The following SHISA6 variants were observed in gnomAD, a reference collection of about 807,000 sequenced individuals.
SHISA6 encodes the protein protein shisa-6.
SHISA6 carries 22 observed loss-of-function variants against 47.9 expected under a neutral mutation model. The ratio of observed to expected loss-of-function variants is 0.46; its 90% CI spans 0.33 to 0.66. The LOEUF is 0.66. Among genes scored for constraint, SHISA6 ranks in the 30% least tolerant of loss-of-function variants. SHISA6 has a pLI of 0.02. For missense variants in SHISA6, 680 were observed against 764.6 expected (o/e 0.89, Z 1.30); for synonymous variants, 388 against 337.8 (o/e 1.15, Z -1.63).
intron 3 of SHISA6, among the ~76,000 whole-genome samples, chr17:11,501,415 A>G (rs1348435165): frequency 6.6e-6 from 1 of 152,106 alleles, no homozygotes; most frequent in Non-Finnish European, 1.5e-5. Flanking sequence ...TTAAAAGTAT[A>G]TAGACCAAAG....
chr17:11,372,637 G>A (rs1420520951), intron 2 of SHISA6, among the ~76,000 whole-genome samples: 2 of 150,960 alleles, frequency 1.3e-5, no homozygotes, highest in East Asian at 3.9e-4. Flanking sequence ...TTGTACCTGT[G>A]TGCCTTTTCA....
intron 2 of SHISA6, among the ~76,000 whole-genome samples, chr17:11,281,897 T>C (rs1482331365): frequency 6.6e-6 from 1 of 152,228 alleles, no homozygotes; most frequent in African/African-American, 2.4e-5. Flanking sequence ...ATTCTCAAAA[T>C]ATAACTCACA....
intron 2 of SHISA6, among the ~76,000 whole-genome samples, chr17:11,291,043 T>C (rs1360238368): frequency 6.6e-6 from 1 of 151,724 alleles, no homozygotes; most frequent in Non-Finnish European, 1.5e-5. Flanking sequence ...AATTTATTAA[T>C]AATAAATTAT....
At chr17:11,552,926 A>G (rs2071943508) in intron 4 of SHISA6, among the ~76,000 whole-genome samples, 1 of 152,230 alleles carries the variant, frequency 6.6e-6, no homozygotes, top group Non-Finnish European at 1.5e-5. Context: ...TGATGTTGAC[A>G]GTGGGAAAAG....
intron 2 of SHISA6, among the ~76,000 whole-genome samples, chr17:11,264,723 CTA>C (rs1908361200): frequency 6.6e-6 from 1 of 152,194 alleles, no homozygotes; most frequent in African/African-American, 2.4e-5. Context: ...CAAATCCAAA[CTA>C]TAGCAAAGGT....
chr17:11,473,698 A>T (rs991190199), intron 3 of SHISA6, among the ~76,000 whole-genome samples: 1 of 152,160 alleles, frequency 6.6e-6, no homozygotes, highest in African/African-American at 2.4e-5. Context: ...GGACAAATGG[A>T]TAACCTCTTT....
chr17:11,248,691 G>A (rs942012435), intron 1 of SHISA6, among the ~76,000 whole-genome samples: 3 of 152,132 alleles, frequency 2.0e-5, no homozygotes, highest in Admixed American at 6.5e-5. Context: ...GTTTTTTCAC[G>A]TTCCTTTCTT....
At chr17:11,302,991 G>C (rs1909980515) in intron 2 of SHISA6, among the ~76,000 whole-genome samples, 1 of 152,238 alleles carries the variant, frequency 6.6e-6, no homozygotes, top group African/African-American at 2.4e-5. Flanking sequence ...GTAGCATGGG[G>C]TGTGGAGGGC....
At chr17:11,415,108 CAATG>C (rs985730811) in intron 3 of SHISA6, among the ~76,000 whole-genome samples, 64 of 151,094 alleles carry the variant, frequency 4.2e-4, no homozygotes, top group African/African-American at 1.6e-3. Context: ...AAGAAAAAAA[CAATG>C]AATAAACTCA....
chr17:11,525,508 C>T (rs1597568633), intron 3 of SHISA6, among the ~76,000 whole-genome samples: 2 of 151,820 alleles, frequency 1.3e-5, no homozygotes, highest in South Asian at 2.1e-4. Context: ...TGGCACATGC[C>T]TGTAGTCCCA....
intron 1 of SHISA6, among the ~76,000 whole-genome samples, chr17:11,249,660 G>T (rs1486759349): frequency 6.6e-6 from 1 of 152,036 alleles, no homozygotes; most frequent in East Asian, 1.9e-4. Context: ...TGTTTCCACG[G>T]TCCCTCTCTT....
chr17:11,279,595 C>A (rs1406413930), intron 2 of SHISA6, among the ~76,000 whole-genome samples: 1 of 152,072 alleles, frequency 6.6e-6, no homozygotes, highest in Non-Finnish European at 1.5e-5. Flanking sequence ...ATTATTATTT[C>A]TATTACCACC....
chr17:11,326,690 G>GCAAAA (rs1410329748), intron 2 of SHISA6, among the ~76,000 whole-genome samples: 2 of 152,196 alleles, frequency 1.3e-5, no homozygotes, highest in African/African-American at 4.8e-5. Flanking sequence ...TGAGGATGAT[G>GCAAAA]CAAAGTTTTT....
chr17:11,458,008 C>G (rs1915591736), intron 3 of SHISA6, among the ~76,000 whole-genome samples: 1 of 150,028 alleles, frequency 6.7e-6, no homozygotes. Flanking sequence ...TGGCGTGAAC[C>G]TGGGAGGCAG....
chr17:11,396,960 T>C (rs1004369775), intron 3 of SHISA6, among the ~76,000 whole-genome samples: 1 of 152,182 alleles, frequency 6.6e-6, no homozygotes, highest in African/African-American at 2.4e-5. Flanking sequence ...CTGGAACCCA[T>C]ATGTACAACA....
At chr17:11,268,954 C>T (rs895234505) in intron 2 of SHISA6, among the ~76,000 whole-genome samples, 3 of 152,100 alleles carry the variant, frequency 2.0e-5, no homozygotes, top group East Asian at 1.9e-4. Flanking sequence ...GTATGGTGTC[C>T]GTCACTTGCA....
chr17:11,552,588 T>A (rs1256328545), intron 4 of SHISA6, among the ~76,000 whole-genome samples: 2 of 152,214 alleles, frequency 1.3e-5, no homozygotes, highest in African/African-American at 2.4e-5. Context: ...AAATTGCGAA[T>A]TATCAGTCAT....
intron 3 of SHISA6, among the ~76,000 whole-genome samples, chr17:11,537,209 A>G (rs940951094): frequency 6.6e-6 from 1 of 152,030 alleles, no homozygotes; most frequent in Admixed American, 6.6e-5. Context: ...AAGAGCACTC[A>G]CTACTCAGCT....
intron 3 of SHISA6, among the ~76,000 whole-genome samples, chr17:11,404,380 T>G (rs1913878302): frequency 6.6e-6 from 1 of 152,120 alleles, no homozygotes; most frequent in African/African-American, 2.4e-5. Context: ...GGAGACAGTC[T>G]AGGGACTTCA....
Sources: gnomAD v4.1 joint callset for allele counts (sites outside exome capture counted in the v4.1 genomes callset) on GRCh38, gnomAD v4.1.1 for gene constraint, MANE v1.5 for transcripts, NCBI Gene and HGNC (gene_info 2026-07-23, HGNC 2026-07-21) for gene names.